Variants in RARB observed in about 807,000 individuals in gnomAD.
RARB encodes retinoic acid receptor beta.
RARB carries 17 observed loss-of-function variants against 51.9 expected under a neutral mutation model. The ratio of observed to expected loss-of-function variants is 0.33; its 90% CI spans 0.22 to 0.49. The LOEUF (loss-of-function observed/expected upper bound fraction) is 0.49. RARB is among the 20% of genes least tolerant of loss of function. The pLI, the probability that RARB is intolerant of heterozygous loss-of-function variation, is 0.99. For missense variants in RARB, 369 were observed against 550.8 expected (o/e 0.67, Z 3.30); for synonymous variants, 215 against 195.4 (o/e 1.10, Z -0.84).
chr3:25,369,640 T>C (rs187297441), intron 5 of RARB, among the ~76,000 whole-genome samples: 1 of 152,294 alleles, frequency 6.6e-6, no homozygotes, highest in East Asian at 1.9e-4. Context: ...TTCACTTTCA[T>C]GGCCAGGCGC....
At chr3:24,995,566 T>A (rs1697003474) in intron 2 of RARB, among the ~76,000 whole-genome samples, 1 of 152,082 alleles carries the variant, frequency 6.6e-6, no homozygotes, top group Admixed American at 6.6e-5. Flanking sequence ...GGAAAATCTT[T>A]CAGCTTTTCC....
intron 5 of RARB, among the ~76,000 whole-genome samples, chr3:25,389,099 G>C (rs1468479538): frequency 6.6e-6 from 1 of 152,146 alleles, no homozygotes; most frequent in Admixed American, 6.6e-5. Flanking sequence ...ATTTAAGTTG[G>C]CTAAAGGATA....
At chr3:25,188,793 A>C (rs73147303) in intron 5 of RARB, among the ~76,000 whole-genome samples, 1,995 of 152,194 alleles carry the variant, frequency 0.013, 50 homozygotes, top group African/African-American at 0.046. Context: ...TCATTTACTT[A>C]TACATACCAT....
intron 4 of RARB, among the ~76,000 whole-genome samples, chr3:25,574,977 GTTAAC>G (rs1401520478): frequency 6.6e-6 from 1 of 152,128 alleles, no homozygotes; most frequent in Non-Finnish European, 1.5e-5. Context: ...TGAGCCAGTT[GTTAAC>G]TTAGTGAGCC....
intron 2 of RARB, among the ~76,000 whole-genome samples, chr3:24,932,931 T>C (rs1415242427): frequency 6.6e-6 from 1 of 152,114 alleles, no homozygotes; most frequent in Non-Finnish European, 1.5e-5. Context: ...ATAATTTATT[T>C]ATGAATAAAG....
Position 25,011,227 on chromosome 3 carries a change from T to C in RARB, c.-379-48898T>C, listed in dbSNP as rs1308242115. ...ACAATAAAGGGAATAAATGAGTGAA[T>C]GATGTAGTACCATATGGGATAGGGC... On this transcript the variant is annotated intron_variant, in intron 2 of 11. Coordinates refer to the RARB transcript ENST00000383772. 1.3e-5 allele frequency among the ~76,000 whole-genome samples: 2 copies of C among 152,060 alleles called. 1 individual carries two copies. Among genetic ancestry groups the C allele is most frequent in the African/African-American group, 4.8e-5 (2 of 41,424 alleles).
intron 4 of RARB, among the ~76,000 whole-genome samples, chr3:25,580,140 C>T (rs756894076): frequency 3.9e-5 from 6 of 152,058 alleles, no homozygotes; most frequent in African/African-American, 2.4e-5. Context: ...TTTGGGAGGC[C>T]GAGGCGGGTG....
chr3:25,113,008 C>T (rs559903634), intron 3 of RARB, among the ~76,000 whole-genome samples: 1 of 152,234 alleles, frequency 6.6e-6, no homozygotes, highest in South Asian at 2.1e-4. Flanking sequence ...TATTCAGCAT[C>T]ATTGAGAGCC....
At chr3:25,225,175 C>T (rs1702029358) in intron 5 of RARB, among the ~76,000 whole-genome samples, 2 of 152,090 alleles carry the variant, frequency 1.3e-5, no homozygotes, top group South Asian at 2.1e-4. Flanking sequence ...AAGATGCTTA[C>T]TACATGTTTA....
intron 2 of RARB, among the ~76,000 whole-genome samples, chr3:25,026,649 C>T (rs1002084983): frequency 3.3e-5 from 5 of 152,138 alleles, no homozygotes; most frequent in African/African-American, 1.2e-4. Context: ...GGGGTTAGGG[C>T]TTTAACATAT....
intron 5 of RARB, among the ~76,000 whole-genome samples, chr3:25,396,976 C>T (rs1033692315): frequency 1.8e-4 from 27 of 152,188 alleles, no homozygotes; most frequent in Non-Finnish European, 3.2e-4. Context: ...AAGAAAGAAA[C>T]CTGGGCTTTC....
chr3:24,942,204 T>C (rs1444616917), intron 2 of RARB, among the ~76,000 whole-genome samples: 1 of 152,240 alleles, frequency 6.6e-6, no homozygotes, highest in Non-Finnish European at 1.5e-5. Flanking sequence ...GATTCACTTA[T>C]TTTAACACCT....
At chr3:25,592,889 C>T (rs1241075567) in intron 5 of RARB, among the ~76,000 whole-genome samples, 1 of 152,172 alleles carries the variant, frequency 6.6e-6, no homozygotes, top group Non-Finnish European at 1.5e-5. Context: ...ATTACAGCTG[C>T]CTGTGTAACC....
intron 4 of RARB, among the ~76,000 whole-genome samples, chr3:25,148,470 A>G (rs1274885316): frequency 6.6e-6 from 1 of 152,118 alleles, no homozygotes; most frequent in African/African-American, 2.4e-5. Context: ...TATCTCTTTT[A>G]AGGGTTTTTA....
intron 1 of RARB, among the ~76,000 whole-genome samples, chr3:24,843,076 C>T (rs764179312): frequency 4.6e-5 from 7 of 152,168 alleles, no homozygotes; most frequent in African/African-American, 1.4e-4. Context: ...ATCATTACCA[C>T]GAAGGGAAAA....
rs5847324 is a variant in RARB at position 24,899,924 on chromosome 3, C to CTT, written c.-380+41180_-380+41181dup. On this transcript the variant is annotated intron_variant, in intron 2 of 11. Coordinates refer to the RARB transcript ENST00000383772. ...AAATGTTTAACCCAAATTGGGATTT[C>CTT]TTTTTTTTTGCCTGAATTCTGTGAT... Among the ~76,000 whole-genome samples the CTT allele has an allele frequency of 7.0e-4, 106 of 150,990 alleles. 1 individual carries two copies. The highest frequency in any genetic ancestry group is 3.8e-3 in the South Asian group (18 of 4,788).
chr3:25,209,969 T>A (rs1007912178), intron 5 of RARB, among the ~76,000 whole-genome samples: 2 of 152,204 alleles, frequency 1.3e-5, no homozygotes, highest in African/African-American at 4.8e-5. Context: ...ACTTTGATAA[T>A]CCCTCTTCTG....
At position 25,462,842 on chromosome 3, in the gene RARB, C is replaced by G. The variant is rs571898847; in HGVS notation, c.306+1501C>G. 5.3e-4 allele frequency among the ~76,000 whole-genome samples: 80 copies of G among 152,242 alleles called. 1 individual carries two copies. The South Asian group carries it at 0.016, about 31-fold the overall frequency. The stretch of plus-strand genomic sequence containing the variant: ...CCCATCAGGCTGGCCCTGGCTTGTT[C>G]GCAGAGGCAGGGTTCCAGAAGACAG... On this transcript the variant is annotated intron_variant, in intron 2 of 7. Transcript: ENST00000330688.
At chr3:24,920,392 G>C (rs891903689) in intron 2 of RARB, among the ~76,000 whole-genome samples, 1 of 152,086 alleles carries the variant, frequency 6.6e-6, no homozygotes, top group African/African-American at 2.4e-5. Context: ...CTTCAAATCA[G>C]GAAATCTAAA....
Sources: gnomAD v4.1 joint callset for allele counts (sites outside exome capture counted in the v4.1 genomes callset) on GRCh38, gnomAD v4.1.1 for gene constraint, MANE v1.5 for transcripts, NCBI Gene and HGNC (gene_info 2026-07-23, HGNC 2026-07-21) for gene names.